The following ZNF837 variants were observed in gnomAD, a reference collection of about 807,000 sequenced individuals.
The protein encoded by ZNF837 is zinc finger protein 837.
For synonymous variants in ZNF837, 475 were observed against 365.2 expected, an observed-to-expected ratio of 1.30 and a Z score of -3.43; for missense variants, 955 against 801.7, an observed-to-expected ratio of 1.19 and a Z score of -2.31.
chr19:58,373,374 C>G (rs1256077372), intron 1 of ZNF837, among the ~76,000 whole-genome samples: 1 of 152,226 alleles, frequency 6.6e-6, no homozygotes, highest in Non-Finnish European at 1.5e-5. Flanking sequence ...AGGAACTTCT[C>G]TGAGTACGAG....
At position 58,368,838 on chromosome 19, in the gene ZNF837, C is replaced by G. The variant is rs776673232; in HGVS notation, c.495G>C (p.Thr165=). 3 of 1,547,074 alleles carry G rather than the reference C, an allele frequency of 1.9e-6. No individual in the cohort carries two copies. Among genetic ancestry groups the G allele is most frequent in the Non-Finnish European group, 2.6e-6 (3 of 1,146,688 alleles). The change falls in exon 3 of 3, where the codon ACG becomes ACC. Residue 165 remains threonine (T), a synonymous_variant. Coordinates refer to ENST00000597582, the MANE Select transcript of ZNF837 (RefSeq NM_138466.2). ...HPRTQLCEVH[T]DCWPCQPGTG... ...TCCCTGGTTGGCACGGCCAACAGTC[C>G]GTGTGGACCTCACACAGTTGAGTCC...
In ZNF837 at chr19:58,368,645, A is replaced by G; in HGVS notation, c.688T>C (p.Cys230Arg). 1 of 1,529,818 alleles carries G rather than the reference A, an allele frequency of 6.5e-7. No homozygotes were observed. The highest frequency in any genetic ancestry group is 1.2e-5 in the South Asian group (1 of 83,288). 94.8% of individuals were successfully genotyped at this position (1,529,818 alleles called of 1,614,324 possible). The change falls in exon 3 of 3, where the codon TGC (cysteine) becomes CGC (arginine). Residue 230 changes from cysteine (C) to arginine (R), a missense_variant. Cys to Arg is a radical substitution (Grantham distance 180, BLOSUM62 -3). Transcript: ENST00000597582. ...ATEEPRPCAR[C>R]GKRFRPNQQQ... ...TGGTTGGGGCGGAAGCGCTTCCCGCACCGGGCACACGGACGGGGCTCCTCC... is the reference window on the plus strand; with the variant it reads ...TGGTTGGGGCGGAAGCGCTTCCCGCGCCGGGCACACGGACGGGGCTCCTCC...
At chr19:58,376,950 A>G (rs8106345) in intron 1 of ZNF837, among the ~76,000 whole-genome samples, 76,320 of 150,566 alleles carry the variant, frequency 0.51, 19,436 homozygotes, top group Middle Eastern at 0.57. Context: ...GGACGTGGTG[A>G]CTCATGCCTG....
chr19:58,375,862 G>A (rs2052241149), intron 1 of ZNF837, among the ~76,000 whole-genome samples: 1 of 151,292 alleles, frequency 6.6e-6, no homozygotes, highest in Non-Finnish European at 1.5e-5. Context: ...TTTGAGCCCT[G>A]GTCACACGAA....
intron 1 of ZNF837, among the ~76,000 whole-genome samples, chr19:58,372,059 T>TA (rs1361954953): frequency 1.3e-5 from 2 of 151,270 alleles, no homozygotes; most frequent in African/African-American, 4.9e-5. Context: ...GTTTGTTTAT[T>TA]TTTATTTATT....
In ZNF837 at chr19:58,368,217, G is replaced by A. The variant is rs760611437; in HGVS notation, c.1116C>T (p.Phe372=). Residue 372 remains phenylalanine, a synonymous_variant, in exon 3 of 3, where the codon TTC becomes TTT. Transcript: ENST00000597582. ...PYECADCAKA[F]GLFSHLVEHR... ...GCTCCACGAGGTGCGAGAACAGCCC[G>A]AAGGCCTTGGCGCAGTCGGCGCACT... is the stretch of plus-strand genomic sequence containing the variant. The A allele has an allele frequency of 3.2e-6, 5 of 1,539,178 alleles. No homozygotes were observed. Among genetic ancestry groups the A allele is most frequent in the East Asian group, 2.4e-5 (1 of 41,416 alleles).
At chr19:58,378,849 G>A (rs1194154945) in intron 1 of ZNF837, among the ~76,000 whole-genome samples, 1 of 152,178 alleles carries the variant, frequency 6.6e-6, no homozygotes, top group East Asian at 1.9e-4. Context: ...TGAAGATGGA[G>A]GCTGATATTG....
At chr19:58,373,110 T>C (rs1015972804) in intron 1 of ZNF837, among the ~76,000 whole-genome samples, 2 of 152,298 alleles carry the variant, frequency 1.3e-5, no homozygotes, top group Middle Eastern at 3.4e-3. Flanking sequence ...ACAGGAAAGG[T>C]GAGGCTGCCT....
intron 1 of ZNF837, among the ~76,000 whole-genome samples, chr19:58,373,091 CTG>C (rs1039963670): frequency 3.9e-5 from 6 of 152,240 alleles, no homozygotes; most frequent in African/African-American, 1.4e-4. Context: ...CCCTCCAGGC[CTG>C]TGTGAGACAG....
intron 1 of ZNF837, among the ~76,000 whole-genome samples, chr19:58,373,582 C>T (rs934335697): frequency 1.4e-4 from 22 of 152,298 alleles, no homozygotes; most frequent in African/African-American, 5.3e-4. Context: ...GGGTTGGCTG[C>T]TGTTGTAGCT....
At chr19:58,374,154 G>A (rs1489710739) in intron 1 of ZNF837, among the ~76,000 whole-genome samples, 1 of 152,198 alleles carries the variant, frequency 6.6e-6, no homozygotes, top group Non-Finnish European at 1.5e-5. Flanking sequence ...GGTAAAGATG[G>A]AGCTACCACA....
intron 1 of ZNF837, among the ~76,000 whole-genome samples, chr19:58,378,617 C>T (rs2052267529): frequency 1.3e-5 from 2 of 152,218 alleles, no homozygotes; most frequent in Admixed American, 6.5e-5. Flanking sequence ...CACATGAGGT[C>T]ACCCAGGATC....
Position 58,367,826 on chromosome 19 carries a change from AG to A in ZNF837, c.1506del (p.Tyr503ThrfsTer?). The A allele has an allele frequency of 6.5e-7, 1 of 1,536,340 alleles. No individual in the cohort carries two copies. On this transcript the variant is annotated frameshift_variant, in exon 3 of 3. Coordinates refer to ENST00000597582, the MANE Select transcript of ZNF837 (RefSeq NM_138466.2). LOFTEE classifies it low-confidence loss of function (END_TRUNC). ...RHLRTHTGER[P>X]YACGDCGRAF... Reference sequence around the variant, plus strand: ...GCGCGGCCGCAATCTCCGCACGCGTAGGGCCGCTCGCCCGTGTGCGTGCGCA... The same window carrying A: ...GCGCGGCCGCAATCTCCGCACGCGTAGGCCGCTCGCCCGTGTGCGTGCGCA...
rs947098091 is a variant in ZNF837 at position 58,381,017 on chromosome 19, G to T, written c.-216C>A. The T allele has an allele frequency of 6.6e-6, 1 of 152,280 alleles. No individual in the cohort carries two copies. The highest frequency in any genetic ancestry group is 2.4e-5 in the African/African-American group (1 of 41,470). 9.4% of individuals were successfully genotyped at this position (152,280 alleles called of 1,614,324 possible). ...GGAGCCGTCCTCCCGCCACCTCCGG[G>T]CCGCCGCGGCACTGAGGGACCCGGG... On this transcript the variant is annotated 5_prime_UTR_variant, in exon 1 of 3. Transcript: ENST00000597582.
In ZNF837 at chr19:58,367,653, A is replaced by C; in HGVS notation, c.*84T>G. On this transcript the variant is annotated 3_prime_UTR_variant, in exon 3 of 3. Coordinates refer to ENST00000597582, the MANE Select transcript of ZNF837 (RefSeq NM_138466.2). The stretch of plus-strand genomic sequence containing the variant: ...AAAGTGAAGTTTAATCAAAGTTACA[A>C]ACGTTGGTGGGTTTTCCGGGACAAA... The C allele has an allele frequency of 7.0e-7, 1 of 1,419,122 alleles. No homozygotes were observed. The allele number at this position is 1,419,122 out of a possible 1,614,324, so 87.9% of individuals were successfully genotyped here. A position where few individuals can be genotyped will look rare whatever the true frequency, so the allele number is the denominator to read the frequency against.
At position 58,368,693 on chromosome 19, in the gene ZNF837, G is replaced by A. The variant is rs1424181523; in HGVS notation, c.640C>T (p.Pro214Ser). Residue 214 changes from proline to serine, a missense_variant, in exon 3 of 3, where the codon CCC (proline) becomes TCC (serine). By Grantham distance (74) the Pro-to-Ser change is moderately conservative. Transcript: ENST00000597582. ...EAFAWRALRI[P>S]QERLQATEEP... Reference sequence around the variant, plus strand: ...TCCGTCGCCTGCAGCCTCTCCTGGGGGATCCGCAGGGCCCTCCACGCAAAG... The same window carrying A: ...TCCGTCGCCTGCAGCCTCTCCTGGGAGATCCGCAGGGCCCTCCACGCAAAG... 6.5e-7 allele frequency: 1 copy of A among 1,533,498 alleles called. No homozygotes were observed. Among genetic ancestry groups the A allele is most frequent in the East Asian group, 2.5e-5 (1 of 40,802 alleles). 95.0% of individuals were successfully genotyped at this position (1,533,498 alleles called of 1,614,324 possible).
chr19:58,369,009 C>G lies in ZNF837; in HGVS notation c.324G>C (p.Leu108=), dbSNP rs1171845427. The change falls in exon 3 of 3, where the codon CTG becomes CTC. Residue 108 remains leucine (L), a synonymous_variant. Coordinates refer to ENST00000597582, the MANE Select transcript of ZNF837 (RefSeq NM_138466.2). ...TCCTACAGGGGCCCTCCCGGGCTTG[C>G]AGCCCCTCGGGGATAACCAGCTCAG... ...QNPELVIPEG[L]QAREGPCRSP... The G allele has an allele frequency of 6.6e-7, 1 of 1,515,056 alleles. No individual in the cohort carries two copies. The highest frequency in any genetic ancestry group is 8.9e-7 in the Non-Finnish European group (1 of 1,128,616). The allele number at this position is 1,515,056 out of a possible 1,614,324, so 93.9% of individuals were successfully genotyped here. A position where few individuals can be genotyped will look rare whatever the true frequency, so the allele number is the denominator to read the frequency against.
chr19:58,369,235 C>A lies in ZNF837; in HGVS notation c.98G>T (p.Arg33Met). 7.0e-7 allele frequency: 1 copy of A among 1,425,024 alleles called. No homozygotes were observed. The highest frequency in any genetic ancestry group is 9.1e-7 in the Non-Finnish European group (1 of 1,093,106). The allele number at this position is 1,425,024 out of a possible 1,614,324, so 88.3% of individuals were successfully genotyped here. ...CCCAGCTCGGTCCTCTTCGAGGGGC[C>A]TCGGCTCCTCGGGCCTCTTCTCCCG... ...GAREKRPEEP[R>M]PLEEDRAGSR... Residue 33 changes from arginine to methionine, a missense_variant, in exon 3 of 3, where the codon AGG becomes ATG. Arg to Met is a moderately conservative substitution (Grantham distance 91). Coordinates refer to ENST00000597582, the MANE Select transcript of ZNF837 (RefSeq NM_138466.2).
chr19:58,369,143 C>G lies in ZNF837; in HGVS notation c.190G>C (p.Gly64Arg). ...ACCCCGAGGCTGCAGCCCCGGGAGC[C>G]CCCGCCTGGGGGAGTCGTCCTACCG... ...AGGRTTPPGG[G>R]SRGCSLGVSP... is the part of the protein sequence containing the mutation. Residue 64 changes from glycine (G) to arginine (R), a missense_variant, in exon 3 of 3, where the codon GGC (glycine) becomes CGC (arginine). Coordinates refer to ENST00000597582, the MANE Select transcript of ZNF837 (RefSeq NM_138466.2). 2.1e-6 allele frequency: 3 copies of G among 1,456,210 alleles called. No individual in the cohort carries two copies. The highest frequency in any genetic ancestry group is 1.8e-6 in the Non-Finnish European group (2 of 1,105,700). The allele number at this position is 1,456,210 out of a possible 1,614,324, so 90.2% of individuals were successfully genotyped here.
Sources: gnomAD v4.1 joint callset for allele counts (sites outside exome capture counted in the v4.1 genomes callset) on GRCh38, gnomAD v4.1.1 for gene constraint, MANE v1.5 for transcripts, NCBI Gene and HGNC (gene_info 2026-07-23, HGNC 2026-07-21) for gene names.